Variants in IMMP2L observed in about 807,000 individuals in gnomAD.
The protein encoded by IMMP2L is mitochondrial inner membrane protease subunit 2.
A neutral mutation model predicts 19.3 loss-of-function variants in IMMP2L; 18 were observed. The ratio of observed to expected loss-of-function variants is 0.93; its 90% CI spans 0.64 to 1.38. The LOEUF is 1.38. IMMP2L is among the 40% of genes most tolerant of loss of function. The probability of loss-of-function intolerance (pLI) is 0.00; values close to 1 mark genes in which losing one functional copy is unlikely to be tolerated. For missense variants in IMMP2L, 233 were observed against 218.2 expected (o/e 1.07, Z -0.43); for synonymous variants, 76 against 73.0 (o/e 1.04, Z -0.21).
At chr7:111,017,626 T>A (rs1825847276) in intron 3 of IMMP2L, among the ~76,000 whole-genome samples, 1 of 152,142 alleles carries the variant, frequency 6.6e-6, no homozygotes, top group Non-Finnish European at 1.5e-5. Context: ...TTTACTTGCC[T>A]TTATCTTAAG....
At chr7:111,106,829 T>C (rs1563249102) in intron 3 of IMMP2L, among the ~76,000 whole-genome samples, 1 of 151,610 alleles carries the variant, frequency 6.6e-6, no homozygotes, top group East Asian at 1.9e-4. Context: ...ATAGATTTCT[T>C]TTCCACTGTT....
At chr7:110,909,642 C>T (rs1195843598) in intron 4 of IMMP2L, among the ~76,000 whole-genome samples, 1 of 152,122 alleles carries the variant, frequency 6.6e-6, no homozygotes, top group East Asian at 1.9e-4. Context: ...CTCTCAGAGG[C>T]TACTCTCTGG....
chr7:110,696,081 G>A lies in IMMP2L; in HGVS notation c.409-32360C>T, dbSNP rs558435717. On this transcript the variant is annotated intron_variant, in intron 5 of 5. Transcript: ENST00000405709. ...ATAAACATTTGCACCATCTCTTACT[G>A]AGTGATTGCAGAGTAGGGTGAATGA... Among the ~76,000 whole-genome samples the A allele has an allele frequency of 4.6e-5, 7 of 152,288 alleles. No homozygotes were observed. The South Asian group carries it at 1.4e-3, about 32-fold the overall frequency.
At chr7:110,723,828 G>A (rs1477523388) in intron 5 of IMMP2L, among the ~76,000 whole-genome samples, 1 of 146,960 alleles carries the variant, frequency 6.8e-6, no homozygotes, top group Non-Finnish European at 1.5e-5. Flanking sequence ...TAGATATTTT[G>A]CTCTGGTTGA....
intron 5 of IMMP2L, among the ~76,000 whole-genome samples, chr7:110,722,449 A>G (rs1795632773): frequency 6.6e-6 from 1 of 152,144 alleles, no homozygotes; most frequent in Non-Finnish European, 1.5e-5. Context: ...AGACAAAGTC[A>G]GGATTCAAAA....
intron 5 of IMMP2L, among the ~76,000 whole-genome samples, chr7:110,812,630 G>C (rs1413615045): frequency 1.3e-5 from 2 of 152,042 alleles, no homozygotes; most frequent in African/African-American, 4.8e-5. Flanking sequence ...TCCTGGATCA[G>C]GATTGGGAGT....
At chr7:111,555,821 T>C (rs1331112194) in intron 1 of IMMP2L, among the ~76,000 whole-genome samples, 2 of 151,530 alleles carry the variant, frequency 1.3e-5, no homozygotes, top group Non-Finnish European at 2.9e-5. Context: ...GTTGTTTCCA[T>C]ATATTCACAC....
chr7:111,301,921 TAAAAAAAAAAA>T (rs59156229), intron 3 of IMMP2L, among the ~76,000 whole-genome samples: 10,455 of 83,246 alleles, frequency 0.13, 583 homozygotes, highest in Middle Eastern at 0.27. Context: ...TTTCATGCTT[TAAAAAAAAAAA>T]AAAAAAAAAA....
chr7:111,512,475 T>C (rs1440337636), intron 2 of IMMP2L, among the ~76,000 whole-genome samples: 1 of 152,026 alleles, frequency 6.6e-6, no homozygotes, highest in African/African-American at 2.4e-5. Flanking sequence ...TTACTTTTAA[T>C]ACTATTTATT....
At chr7:110,700,694 T>C (rs1034126542) in intron 5 of IMMP2L, among the ~76,000 whole-genome samples, 1 of 152,218 alleles carries the variant, frequency 6.6e-6, no homozygotes, top group East Asian at 1.9e-4. Flanking sequence ...GAGGTTAGCA[T>C]CTGTTGGATA....
chr7:110,699,846 AG>A (rs1268671669), intron 5 of IMMP2L, among the ~76,000 whole-genome samples: 1 of 152,012 alleles, frequency 6.6e-6, no homozygotes, highest in Non-Finnish European at 1.5e-5. Context: ...TAGCAGTCTG[AG>A]TGTGAGGGCC....
intron 5 of IMMP2L, among the ~76,000 whole-genome samples, chr7:110,694,417 A>G (rs929323377): frequency 4.0e-5 from 6 of 148,964 alleles, no homozygotes; most frequent in Non-Finnish European, 9.0e-5. Flanking sequence ...TATACATGAT[A>G]CAGAAAAAGA....
intron 3 of IMMP2L, among the ~76,000 whole-genome samples, chr7:111,037,260 T>C (rs934593452): frequency 6.6e-6 from 1 of 152,138 alleles, no homozygotes; most frequent in African/African-American, 2.4e-5. Context: ...TTCAAATTTG[T>C]AGAGGTCTAA....
chr7:110,867,484 A>G (rs1419527186), intron 5 of IMMP2L, among the ~76,000 whole-genome samples: 1 of 152,118 alleles, frequency 6.6e-6, no homozygotes, highest in African/African-American at 2.4e-5. Flanking sequence ...AAAATGTATG[A>G]GCAAGAAAGT....
intron 4 of IMMP2L, among the ~76,000 whole-genome samples, chr7:110,946,644 C>A (rs1397529474): frequency 2.7e-5 from 4 of 149,486 alleles, no homozygotes; most frequent in African/African-American, 9.8e-5. Flanking sequence ...AGGCAAATCA[C>A]AAACTGAAGA....
At chr7:111,370,517 G>A (rs1830170899) in intron 3 of IMMP2L, among the ~76,000 whole-genome samples, 1 of 151,948 alleles carries the variant, frequency 6.6e-6, no homozygotes, top group African/African-American at 2.4e-5. Context: ...TTGCACCCTT[G>A]TTCAAACGTA....
chr7:111,106,531 C>T (rs1172293455), intron 3 of IMMP2L, among the ~76,000 whole-genome samples: 1 of 151,742 alleles, frequency 6.6e-6, no homozygotes, highest in African/African-American at 2.4e-5. Flanking sequence ...GTGGAAACTT[C>T]TCATGAACTT....
At chr7:111,495,959 A>G (rs1400150920) in intron 2 of IMMP2L, among the ~76,000 whole-genome samples, 1 of 152,204 alleles carries the variant, frequency 6.6e-6, no homozygotes, top group Non-Finnish European at 1.5e-5. Flanking sequence ...AGGACCCAAC[A>G]GTAGCCCTCA....
intron 5 of IMMP2L, among the ~76,000 whole-genome samples, chr7:110,789,049 C>A (rs1343842360): frequency 1.3e-5 from 2 of 151,746 alleles, no homozygotes; most frequent in Non-Finnish European, 2.9e-5. Flanking sequence ...CCTGGGGAAG[C>A]TGTGTGTAGG....
Sources: allele counts gnomAD v4.1 joint callset (sites outside exome capture counted in the v4.1 genomes callset), GRCh38; gene constraint gnomAD v4.1.1; transcripts MANE v1.5; gene names NCBI Gene and HGNC (gene_info 2026-07-23, HGNC 2026-07-21).